The following RUVBL1 variants were observed in gnomAD, a reference collection of about 807,000 sequenced individuals.
RUVBL1 encodes ruvB-like 1.
In RUVBL1, 4 loss-of-function variants were observed where a neutral mutation model predicts 52.4. The observed-to-expected ratio is 0.08, with a 90% confidence interval of 0.04 to 0.17. The LOEUF is 0.17. Among genes scored for constraint, RUVBL1 ranks in the 10% least tolerant of loss-of-function variants. The pLI is 1.00. For missense variants in RUVBL1, 298 were observed against 572.8 expected, an observed-to-expected ratio of 0.52 and a Z score of 4.90; for synonymous variants, 217 against 214.4, an observed-to-expected ratio of 1.01 and a Z score of -0.10.
At chr3:128,139,714 C>T (rs893784226) in intron 1 of RUVBL1, among the ~76,000 whole-genome samples, 1 of 152,164 alleles carries the variant, frequency 6.6e-6, no homozygotes, top group Non-Finnish European at 1.5e-5. Context: ...GATCCTGTCA[C>T]TTGCAACAAC....
chr3:128,129,125 C>T (rs1375772560), intron 1 of RUVBL1, among the ~76,000 whole-genome samples: 1 of 152,172 alleles, frequency 6.6e-6, no homozygotes, highest in Non-Finnish European at 1.5e-5. Context: ...GTAGCTTTTA[C>T]TCTTGCTGCT....
At chr3:128,131,895 A>C (rs1348569762) in intron 1 of RUVBL1, among the ~76,000 whole-genome samples, 2 of 152,218 alleles carry the variant, frequency 1.3e-5, no homozygotes, top group African/African-American at 2.4e-5. Context: ...ACCAAATTGA[A>C]AAACTATCCA....
intron 9 of RUVBL1, among the ~76,000 whole-genome samples, chr3:128,065,481 G>A (rs527423182): frequency 1.4e-4 from 21 of 152,216 alleles, no homozygotes; most frequent in Non-Finnish European, 2.4e-4. Flanking sequence ...TTGCTTCTGA[G>A]TAAGAGACCT....
At chr3:128,074,123 T>A (rs1167885361) in intron 9 of RUVBL1, among the ~76,000 whole-genome samples, 2 of 152,180 alleles carry the variant, frequency 1.3e-5, no homozygotes, top group Non-Finnish European at 2.9e-5. Context: ...AAACCCAAGA[T>A]GAAAATATAT....
Position 128,104,933 on chromosome 3 carries a change from G to A in RUVBL1, c.362-9C>T, listed in dbSNP as rs1395518268. ...CTCCTTTATTCGCAGCCCTGGAAGAGGTGGCAGAGGGGCCATGGTGAGAAG... is the reference window on the plus strand; with the variant it reads ...CTCCTTTATTCGCAGCCCTGGAAGAAGTGGCAGAGGGGCCATGGTGAGAAG... On this transcript the variant is annotated splice_polypyrimidine_tract_variant and intron_variant, in intron 3 of 10. Transcript: ENST00000322623. 1.3e-6 allele frequency: 2 copies of A among 1,590,450 alleles called. No individual in the cohort carries two copies. Among genetic ancestry groups the A allele is most frequent in the Non-Finnish European group, 1.7e-6 (2 of 1,160,418 alleles).
chr3:128,123,506 C>A, intron 1 of RUVBL1, 78 bp downstream of exon 1: 1 of 1,412,264 alleles, frequency 7.1e-7, no homozygotes, highest in Non-Finnish European at 9.4e-7. Context: ...CATCCCGCCC[C>A]GAGCCACCGA....
At chr3:128,101,711 A>G in intron 4 of RUVBL1, 63 bp from the exon 5 acceptor site, 1 of 1,547,408 alleles carries the variant, frequency 6.5e-7, no homozygotes. Context: ...ACACCATGTA[A>G]GGTACCTTTC....
At position 128,067,363 on chromosome 3, in the gene RUVBL1, CT is replaced by C. The variant is rs1488364531; in HGVS notation, c.940-2144del. Reference sequence around the variant, plus strand: ...TTCATCTGCTCAGAACTATTTTTGCCTTGATGCTAAAGTAAAATGAAGGAGC... The same window carrying C: ...TTCATCTGCTCAGAACTATTTTTGCCTGATGCTAAAGTAAAATGAAGGAGC... On this transcript the variant is annotated intron_variant, in intron 9 of 9. Coordinates refer to the RUVBL1 transcript ENST00000464873. This position sits in a 1 kb window ranked among gnomAD's most constrained non-coding sequence, Gnocchi z 4.1. The C allele has an allele frequency of 6.5e-7, 1 of 1,542,556 alleles. No homozygotes were observed. The highest frequency in any genetic ancestry group is 8.8e-7 in the Non-Finnish European group (1 of 1,138,836).
rs1238012052 is a variant in RUVBL1, at chr3:128,106,025, A to G, written c.362-1101T>C. On this transcript the variant is annotated intron_variant, in intron 3 of 10. Coordinates refer to ENST00000322623, the MANE Select transcript of RUVBL1 (RefSeq NM_003707.3). ...GCTGGGATTACAGGCGTGCACCACC[A>G]CATCTGGCTAATTTTTGGGGTTTTT... Among the ~76,000 whole-genome samples, 4 of 151,946 alleles carry G rather than the reference A, an allele frequency of 2.6e-5. No homozygotes were observed. The East Asian group carries it at 5.8e-4, about 22-fold the overall frequency.
intron 2 of RUVBL1, 62 bp from the exon 3 acceptor site, chr3:128,113,082 C>T: frequency 1.3e-6 from 2 of 1,583,574 alleles, no homozygotes; most frequent in Non-Finnish European, 1.7e-6. Context: ...TTCAGAAACA[C>T]ATGCTACAGA....
chr3:128,112,214 T>A (rs573409567), intron 3 of RUVBL1, among the ~76,000 whole-genome samples: 15 of 152,344 alleles, frequency 9.8e-5, no homozygotes, highest in African/African-American at 3.6e-4. Flanking sequence ...ACAGCCAATC[T>A]TCACAGCAAC....
chr3:128,084,855 G>C (rs1423647755), intron 9 of RUVBL1: 1 of 152,340 alleles, frequency 6.6e-6, no homozygotes, highest in African/African-American at 2.4e-5. Context: ...CTGAGAGAAA[G>C]CCTGAGGAGA....
In RUVBL1 at chr3:128,067,372, A is replaced by G. The variant is rs1269268776; in HGVS notation, c.940-2152T>C. ...TCAGAACTATTTTTGCCTTGATGCT[A>G]AAGTAAAATGAAGGAGCACTCACAT... On this transcript the variant is annotated intron_variant, in intron 9 of 9. Coordinates refer to the RUVBL1 transcript ENST00000464873. This position sits in a 1 kb window ranked among gnomAD's most constrained non-coding sequence, Gnocchi z 4.1. The G allele has an allele frequency of 1.9e-6, 3 of 1,565,626 alleles. No individual in the cohort carries two copies. Among genetic ancestry groups the G allele is most frequent in the South Asian group, 1.2e-5 (1 of 85,010 alleles).
chr3:128,133,377 C>G (rs1258697109), intron 1 of RUVBL1, among the ~76,000 whole-genome samples: 3 of 152,198 alleles, frequency 2.0e-5, no homozygotes, highest in African/African-American at 7.2e-5. Flanking sequence ...GATTTTAGAG[C>G]TTTCAGGCCT....
chr3:128,119,152 T>C (rs907632365), intron 2 of RUVBL1, among the ~76,000 whole-genome samples, 176 bp downstream of exon 2: 1 of 152,186 alleles, frequency 6.6e-6, no homozygotes, highest in Non-Finnish European at 1.5e-5. Context: ...CCAGGATAAT[T>C]TGAATTTTAG....
intron 1 of RUVBL1, among the ~76,000 whole-genome samples, chr3:128,146,391 T>G (rs1234843494): frequency 6.6e-6 from 1 of 151,626 alleles, no homozygotes; most frequent in Non-Finnish European, 1.5e-5. Flanking sequence ...TGTGAGCAAG[T>G]GTGTGTGCGT....
chr3:128,081,360 C>G lies in RUVBL1; in HGVS notation c.1261G>C (p.Gly421Arg). The G allele has an allele frequency of 6.2e-7, 1 of 1,614,140 alleles. No homozygotes were observed. Among genetic ancestry groups the G allele is most frequent in the Non-Finnish European group, 8.5e-7 (1 of 1,179,992 alleles). Residue 421 changes from glycine to arginine, a missense_variant, in exon 11 of 11, where the codon GGG becomes CGG. Physicochemically the swap from Gly to Arg is moderately radical, Grantham distance 125. Around this residue, in one of 5 missense-constraint regions of RUVBL1, gnomAD observed 161 missense variants for 298.3 expected, o/e 0.54. Coordinates refer to ENST00000322623, the MANE Select transcript of RUVBL1 (RefSeq NM_003707.3). The surrounding 1 kb of genome is among the most constrained non-coding windows in gnomAD (Gnocchi z 4.8). ...TGCTCTTTCTCAATGCTGTCCTTCC[C>G]GTTGATTTTAGCAAGCAAGTTGGCC... ...TPANLLAKIN[G>R]KDSIEKEHVE...
chr3:128,079,749 G>T (rs1942420360), downstream of RUVBL1, among the ~76,000 whole-genome samples: 2 of 152,232 alleles, frequency 1.3e-5, no homozygotes, highest in East Asian at 3.8e-4. Flanking sequence ...GGAATCCCCA[G>T]CATCATCTCC....
upstream of RUVBL1, chr3:128,124,000 G>T: frequency 1.3e-6 from 1 of 766,688 alleles, no homozygotes; most frequent in Non-Finnish European, 1.6e-6. Flanking sequence ...GGGGTCGGGA[G>T]CACAGTGGGA....
Sources: allele counts gnomAD v4.1 joint callset (sites outside exome capture counted in the v4.1 genomes callset), GRCh38; gene constraint gnomAD v4.1.1; regional missense constraint gnomAD v4.1.1; non-coding constraint Gnocchi (gnomAD v3.1); transcripts MANE v1.5; gene names NCBI Gene and HGNC (gene_info 2026-07-23, HGNC 2026-07-21).